The following LTBP4 variants were observed in gnomAD, a reference collection of about 807,000 sequenced individuals.
The protein encoded by LTBP4 is latent-transforming growth factor beta-binding protein 4.
Under a neutral mutation model 180.2 loss-of-function variants are expected in LTBP4, and 93 were observed. The ratio of observed to expected loss-of-function variants is 0.52; its 90% CI spans 0.44 to 0.61. The LOEUF (loss-of-function observed/expected upper bound fraction) is 0.61. Ranked by LOEUF, LTBP4 falls within the 20% of genes least tolerant of loss-of-function variation. The pLI, the probability that LTBP4 is intolerant of heterozygous loss-of-function variation, is 0.00. For synonymous variants in LTBP4, 947 were observed against 934.5 expected (o/e 1.01, Z -0.24); for missense variants, 2,116 against 2,256.5 (o/e 0.94, Z 1.26).
At position 40,626,988 on chromosome 19, in the gene LTBP4, C is replaced by A; in HGVS notation, c.3999C>A (p.Ala1333=). Residue 1333 remains alanine, a synonymous_variant, in exon 28 of 30, where the codon GCC becomes GCA. Coordinates refer to ENST00000396819, the MANE Select transcript of LTBP4 (RefSeq NM_001042545.2). ...CPAQDSDDFE[A]LCNVLRPPAY... The stretch of plus-strand genomic sequence containing the variant: ...TCCTGTTCCCAGATGACTTCGAGGC[C>A]CTGTGCAATGTGCTACGCCCCCCCG... 1.3e-6 allele frequency: 2 copies of A among 1,566,292 alleles called. No individual in the cohort carries two copies. Among genetic ancestry groups the A allele is most frequent in the African/African-American group, 2.7e-5 (2 of 73,984 alleles).
chr19:40,599,820 T>G (rs1044270395), upstream of LTBP4: 4 of 569,498 alleles, frequency 7.0e-6, no homozygotes, highest in African/African-American at 7.5e-5. Flanking sequence ...TCCCTGTGTC[T>G]CACTGCCTGC....
upstream of LTBP4, chr19:40,597,356 CG>C (rs1231402754): frequency 1.3e-6 from 2 of 1,521,168 alleles, no homozygotes; most frequent in East Asian, 2.6e-5. Flanking sequence ...GTCGAGGTCC[CG>C]GGGGTCCCCA....
At chr19:40,608,643 T>A in intron 9 of LTBP4, 40 bp downstream of exon 9, 1 of 1,552,422 alleles carries the variant, frequency 6.4e-7, no homozygotes, top group Non-Finnish European at 8.7e-7. Context: ...CCTGCAGCAG[T>A]GGCTCACGCC....
chr19:40,610,736 A>C, intron 12 of LTBP4, 79 bp downstream of exon 12: 2 of 1,492,318 alleles, frequency 1.3e-6, no homozygotes, highest in East Asian at 2.3e-5. Flanking sequence ...GAGAGACTGA[A>C]CAATAGGGCA....
In LTBP4 at chr19:40,613,163, C is replaced by T. The variant is rs1170884987; in HGVS notation, c.2398C>T (p.Arg800Trp). The T allele has an allele frequency of 2.5e-6, 4 of 1,579,560 alleles. No homozygotes were observed. The highest frequency in any genetic ancestry group is 1.2e-5 in the South Asian group (1 of 86,848). Residue 800 changes from arginine to tryptophan, a missense_variant, in exon 16 of 30, where the codon CGG (arginine) becomes TGG (tryptophan). Coordinates refer to ENST00000396819, the MANE Select transcript of LTBP4 (RefSeq NM_001042545.2). This position sits in a 1 kb window ranked among gnomAD's most constrained non-coding sequence, Gnocchi z 5.0. ...CCGCTGCAGCTGCGCGCCAGGCTACCGGGCGCCGTCGGGTCGGCCCGGGCC... is the reference window on the plus strand; with the variant it reads ...CCGCTGCAGCTGCGCGCCAGGCTACTGGGCGCCGTCGGGTCGGCCCGGGCC... ...SFRCSCAPGYRAPSGRPGPCA... is the reference protein window; with the variant it reads ...SFRCSCAPGYWAPSGRPGPCA...
chr19:40,601,356 G>T, upstream of LTBP4: 3 of 1,120,422 alleles, frequency 2.7e-6, no homozygotes, highest in Non-Finnish European at 3.3e-6. Context: ...GCGGGCTGGG[G>T]CGGCGGCGCG....
Position 40,609,411 on chromosome 19 carries a change from T to C in LTBP4, c.1427-119T>C, listed in dbSNP as rs1202574391. 1 of 1,296,848 alleles carries C rather than the reference T, an allele frequency of 7.7e-7. No individual in the cohort carries two copies. Among genetic ancestry groups the C allele is most frequent in the African/African-American group, 1.5e-5 (1 of 67,674 alleles). 80.3% of individuals were successfully genotyped at this position (1,296,848 alleles called of 1,614,324 possible). A position where few individuals can be genotyped will look rare whatever the true frequency, so the allele number is the denominator to read the frequency against. On this transcript the variant is annotated intron_variant, in intron 9 of 29. Transcript: ENST00000396819. This position sits in a 1 kb window ranked among gnomAD's most constrained non-coding sequence, Gnocchi z 4.9. ...GAGATCAGAAGAAGACTGGGCTTGCTTGGGGAGGAGACATCCATGAAGGTG... is the reference window on the plus strand; with the variant it reads ...GAGATCAGAAGAAGACTGGGCTTGCCTGGGGAGGAGACATCCATGAAGGTG...
In LTBP4 at chr19:40,610,672, G is replaced by A. The variant is rs760399372; in HGVS notation, c.1810+15G>A. On this transcript the variant is annotated intron_variant, in intron 12 of 29. Transcript: ENST00000396819. ...CAGCTGCCAGGGTGAGGGCCTGGGAGGGGCAGCTGGGAAGGGGTGTGAGCG... is the reference window on the plus strand; with the variant it reads ...CAGCTGCCAGGGTGAGGGCCTGGGAAGGGCAGCTGGGAAGGGGTGTGAGCG... The A allele has an allele frequency of 3.0e-5, 47 of 1,572,614 alleles. No individual in the cohort carries two copies. The Admixed American group carries it at 7.7e-4, about 26-fold the overall frequency.
rs1422081773 is a variant in LTBP4, at chr19:40,607,461, TCTG to T, written c.1096_1098del (p.Cys366del). ...ATTCTGCGGAACATCACTAAACAGA[TCTG>T]CTGCTGCAGCCGCGTAGGCAAGGCC... On this transcript the variant is annotated inframe_deletion, in exon 7 of 30. Transcript: ENST00000396819. 4 of 1,613,340 alleles carry T rather than the reference TCTG, an allele frequency of 2.5e-6. No homozygotes were observed. The highest frequency in any genetic ancestry group is 1.7e-4 in the Middle Eastern group (1 of 6,054).
At chr19:40,615,116 A>AC (rs201725882) in intron 19 of LTBP4, among the ~76,000 whole-genome samples, 1,614 of 107,648 alleles carry the variant, frequency 0.015, 43 homozygotes, top group East Asian at 0.12. Flanking sequence ...CCGCTCTTTC[A>AC]CCCCTCCCGG....
Position 40,623,708 on chromosome 19 carries a change from C to G in LTBP4, c.3661C>G (p.His1221Asp). 6.2e-7 allele frequency: 1 copy of G among 1,613,980 alleles called. No individual in the cohort carries two copies. The highest frequency in any genetic ancestry group is 8.5e-7 in the Non-Finnish European group (1 of 1,179,888). The change falls in exon 25 of 30, where the codon CAC becomes GAC. Residue 1221 changes from histidine (H) to aspartate (D), a missense_variant. Physicochemically the swap from His to Asp is moderately conservative, Grantham distance 81. Around this residue, in one of 5 missense-constraint regions of LTBP4, gnomAD observed 278 missense variants for 373.0 expected, o/e 0.75. Coordinates refer to ENST00000396819, the MANE Select transcript of LTBP4 (RefSeq NM_001042545.2). ...SCYCSNGYYY[H>D]TQRLECIDND... ...CTATTGCAGCAACGGCTACTACTAC[C>G]ACACACAGCGGCTGGAGTGCATCGG...
At position 40,627,012 on chromosome 19, in the gene LTBP4, C is replaced by G. The variant is rs375753964; in HGVS notation, c.4023C>G (p.Pro1341=). The change falls in exon 28 of 30, where the codon CCC becomes CCG. Residue 1341 remains proline, a synonymous_variant. Transcript: ENST00000396819. Reference sequence around the variant, plus strand: ...CCCTGTGCAATGTGCTACGCCCCCCCGCATATAGCCCCCCGCGACCAGGTG... The same window carrying G: ...CCCTGTGCAATGTGCTACGCCCCCCGGCATATAGCCCCCCGCGACCAGGTG... ...FEALCNVLRP[P]AYSPPRPGGF... 8 of 1,594,506 alleles carry G rather than the reference C, an allele frequency of 5.0e-6. No homozygotes were observed. The highest frequency in any genetic ancestry group is 2.2e-5 in the East Asian group (1 of 44,492).
Position 40,622,721 on chromosome 19 carries a change from G to GA in LTBP4, c.3484+54_3484+55insA. ...CTGAGGGCTTGGGTGGAAATACTGG[G>GA]TGGGGTGTGGGCCTGGGACAGGGGA... On this transcript the variant is annotated intron_variant, in intron 23 of 29. Coordinates refer to ENST00000396819, the MANE Select transcript of LTBP4 (RefSeq NM_001042545.2). This position sits in a 1 kb window ranked among gnomAD's most constrained non-coding sequence, Gnocchi z 5.1. 6.5e-7 allele frequency: 1 copy of GA among 1,540,620 alleles called. No homozygotes were observed. Among genetic ancestry groups the GA allele is most frequent in the Non-Finnish European group, 8.7e-7 (1 of 1,143,930 alleles).
intron 15 of LTBP4, 57 bp downstream of exon 15, chr19:40,612,249 C>G: frequency 1.3e-6 from 2 of 1,524,008 alleles, no homozygotes; most frequent in Non-Finnish European, 1.8e-6. Context: ...CGACCCTTGA[C>G]CCAGATCACA....
At chr19:40,623,811 A>G in intron 25 of LTBP4, 79 bp downstream of exon 25, 3 of 1,598,148 alleles carry the variant, frequency 1.9e-6, no homozygotes, top group Non-Finnish European at 2.6e-6. Context: ...GAATGTGGCC[A>G]CCACCAGCGG....
chr19:40,611,379 G>A lies in LTBP4; in HGVS notation c.2038G>A (p.Gly680Arg), dbSNP rs752189257. Residue 680 changes from glycine to arginine, a missense_variant, in exon 13 of 30, where the codon GGG (glycine) becomes AGG (arginine). Physicochemically the swap from Gly to Arg is moderately radical, Grantham distance 125. Around this residue, in one of 5 missense-constraint regions of LTBP4, gnomAD observed 877 missense variants for 873.6 expected, o/e 1.00. Transcript: ENST00000396819. The surrounding 1 kb of genome is among the most constrained non-coding windows in gnomAD (Gnocchi z 4.4). ...TGCTGGCTTCCGCTCCCGAGGGCCCGGGGCCCCCTGCCAAGGTGAGGGTGC... is the reference window on the plus strand; with the variant it reads ...TGCTGGCTTCCGCTCCCGAGGGCCCAGGGCCCCCTGCCAAGGTGAGGGTGC... ...CPAGFRSRGP[G>R]APCQDVDECA... is the part of the protein sequence containing the mutation. 5 of 1,605,726 alleles carry A rather than the reference G, an allele frequency of 3.1e-6. No individual in the cohort carries two copies. In the South Asian group the frequency reaches 3.3e-5, roughly 11 times the overall value.
Position 40,611,996 on chromosome 19 carries a change from G to A in LTBP4, c.2179+12G>A, listed in dbSNP as rs368579878. On this transcript the variant is annotated intron_variant, in intron 14 of 29. Transcript: ENST00000396819. The surrounding 1 kb of genome is among the most constrained non-coding windows in gnomAD (Gnocchi z 4.4). ...CTCCGAGTGCGAGGGTGAGGCCGGGGAGGGAGGGAGGAGTGTGGATGGGTG... is the reference window on the plus strand; with the variant it reads ...CTCCGAGTGCGAGGGTGAGGCCGGGAAGGGAGGGAGGAGTGTGGATGGGTG... 5.4e-5 allele frequency: 87 copies of A among 1,603,104 alleles called. No individual in the cohort carries two copies. In the African/African-American group the frequency reaches 1.1e-3, roughly 20 times the overall value.
intron 1 of LTBP4, among the ~76,000 whole-genome samples, chr19:40,603,854 G>A (rs986694352): frequency 6.6e-6 from 1 of 152,216 alleles, no homozygotes; most frequent in African/African-American, 2.4e-5. Flanking sequence ...GCTCCCCAAG[G>A]GTCCGGAATG....
At chr19:40,608,137 C>T in intron 7 of LTBP4, 83 bp from the exon 8 acceptor site, 1 of 1,510,336 alleles carries the variant, frequency 6.6e-7, no homozygotes, top group South Asian at 1.2e-5. Context: ...AAGCCCTGCC[C>T]CTAGCCAAGG....
Sources: gnomAD v4.1 joint callset for allele counts (sites outside exome capture counted in the v4.1 genomes callset) on GRCh38, gnomAD v4.1.1 for gene constraint, gnomAD v4.1.1 regional missense constraint, Gnocchi (gnomAD v3.1) non-coding constraint, MANE v1.5 for transcripts, NCBI Gene and HGNC (gene_info 2026-07-23, HGNC 2026-07-21) for gene names.